The following POLR2D variants were observed in gnomAD, a reference collection of about 807,000 sequenced individuals.
The protein encoded by POLR2D is RNA polymerase II subunit D.
A neutral mutation model predicts 17.6 loss-of-function variants in POLR2D; 10 were observed. That is an observed-to-expected ratio of 0.57 (90% CI 0.35 to 0.96). The LOEUF (loss-of-function observed/expected upper bound fraction) is 0.96. Among genes scored for constraint, POLR2D ranks in the 40% least tolerant of loss-of-function variants. POLR2D has a pLI of 0.02. For missense variants in POLR2D, 126 were observed against 176.4 expected (o/e 0.71, Z 1.62); for synonymous variants, 52 against 60.2 (o/e 0.86, Z 0.63).
Position 127,845,657 on chromosome 2 carries a change from G to A in POLR2D, c.*2450C>T, listed in dbSNP as rs1032549698. On this transcript the variant is annotated 3_prime_UTR_variant, in exon 4 of 4. Transcript: ENST00000272645. Reference sequence around the variant, plus strand: ...CTGAAAGCGCTGGGATTACAAGGGTGAGCCACCACGCCTGGCCCAATTTCA... The same window carrying A: ...CTGAAAGCGCTGGGATTACAAGGGTAAGCCACCACGCCTGGCCCAATTTCA... 1 of 152,158 alleles carries A rather than the reference G, an allele frequency of 6.6e-6. No individual in the cohort carries two copies. Among genetic ancestry groups the A allele is most frequent in the African/African-American group, 2.4e-5 (1 of 41,438 alleles). The allele number at this position is 152,158 out of a possible 1,614,324, so 9.4% of individuals were successfully genotyped here.
In POLR2D at chr2:127,847,391, C is replaced by G. The variant is rs1328936564; in HGVS notation, c.*716G>C. ...AGTTGTGGTGGCTCATGCCTGTAAT[C>G]TCACCAGTTTGGGAGGCCAAGGCAG... On this transcript the variant is annotated 3_prime_UTR_variant, in exon 4 of 4. Transcript: ENST00000272645. 1 of 152,384 alleles carries G rather than the reference C, an allele frequency of 6.6e-6. No individual in the cohort carries two copies. The highest frequency in any genetic ancestry group is 2.4e-5 in the African/African-American group (1 of 41,444). 9.4% of individuals were successfully genotyped at this position (152,384 alleles called of 1,614,324 possible).
Position 127,846,725 on chromosome 2 carries a change from CGCTCCTT to C in POLR2D, c.*1375_*1381del, listed in dbSNP as rs1690162202. 6.4e-6 allele frequency: 1 copy of C among 156,044 alleles called. No individual in the cohort carries two copies. Among genetic ancestry groups the C allele is most frequent in the Non-Finnish European group, 1.4e-5 (1 of 69,792 alleles). 9.7% of individuals were successfully genotyped at this position (156,044 alleles called of 1,614,324 possible). ...GTTTTTCTTCAGTCCTTAACAACTCCGCTCCTTATATGGGCTTTGGTGGAGGTCATGG... is the reference window on the plus strand; with the variant it reads ...GTTTTTCTTCAGTCCTTAACAACTCCATATGGGCTTTGGTGGAGGTCATGG... On this transcript the variant is annotated 3_prime_UTR_variant, in exon 4 of 4. Transcript: ENST00000272645.
chr2:127,850,253 C>A (rs759265097), intron 3 of POLR2D, among the ~76,000 whole-genome samples: 70 of 151,888 alleles, frequency 4.6e-4, no homozygotes, highest in Non-Finnish European at 9.6e-4. Flanking sequence ...CTAGCCTGAC[C>A]AACATGGAGA....
rs1690157343 is a variant in POLR2D at position 127,846,431 on chromosome 2, C to G, written c.*1676G>C. On this transcript the variant is annotated 3_prime_UTR_variant, in exon 4 of 4. Coordinates refer to ENST00000272645, the MANE Select transcript of POLR2D (RefSeq NM_004805.4). Reference sequence around the variant, plus strand: ...CCCCAAAATTGAAAACAAGTGTATTCCCTTCAGAAAAATCAAAGCTAGAAT... The same window carrying G: ...CCCCAAAATTGAAAACAAGTGTATTGCCTTCAGAAAAATCAAAGCTAGAAT... 1 of 152,066 alleles carries G rather than the reference C, an allele frequency of 6.6e-6. No individual in the cohort carries two copies. Among genetic ancestry groups the G allele is most frequent in the African/African-American group, 2.4e-5 (1 of 41,408 alleles). 9.4% of individuals were successfully genotyped at this position (152,066 alleles called of 1,614,324 possible). A position where few individuals can be genotyped will look rare whatever the true frequency, so the allele number is the denominator to read the frequency against.
rs550199982 is a variant in POLR2D at position 127,852,101 on chromosome 2, T to C, written c.254+824A>G. 6.6e-6 allele frequency among the ~76,000 whole-genome samples: 1 copy of C among 152,110 alleles called. No individual in the cohort carries two copies. Among genetic ancestry groups the C allele is most frequent in the Admixed American group, 6.5e-5 (1 of 15,276 alleles). ...ACTGCACCCGGCCAATCCCAGCACT[T>C]TGGGGGGCTAAGGTTGGAGGATCAA... is the stretch of plus-strand genomic sequence containing the variant. On this transcript the variant is annotated intron_variant, in intron 2 of 3. Coordinates refer to ENST00000272645, the MANE Select transcript of POLR2D (RefSeq NM_004805.4). This position sits in a 1 kb window ranked among gnomAD's most constrained non-coding sequence, Gnocchi z 4.0.
At chr2:127,850,711 C>T (rs746176337) in intron 2 of POLR2D, 26 bp from the exon 3 acceptor site, 1 of 1,092,700 alleles carries the variant, frequency 9.2e-7, no homozygotes. Context: ...AAAAAAAAAT[C>T]AAAATAATCA....
In POLR2D at chr2:127,847,694, G is replaced by C; in HGVS notation, c.*413C>G. ...GGTTTAATTCTTCCTTTAGTATCTA[G>C]GTAAAACTGGTCTTTCTCTATAAAG... On this transcript the variant is annotated 3_prime_UTR_variant, in exon 4 of 4. Coordinates refer to ENST00000272645, the MANE Select transcript of POLR2D (RefSeq NM_004805.4). 1 of 180,458 alleles carries C rather than the reference G, an allele frequency of 5.5e-6. No individual in the cohort carries two copies. Among genetic ancestry groups the C allele is most frequent in the South Asian group, 1.0e-4 (1 of 9,576 alleles). 11.2% of individuals were successfully genotyped at this position (180,458 alleles called of 1,614,324 possible). A position where few individuals can be genotyped will look rare whatever the true frequency, so the allele number is the denominator to read the frequency against.
In POLR2D at chr2:127,858,151, G is replaced by C; in HGVS notation, c.-51C>G. On this transcript the variant is annotated 5_prime_UTR_variant, in exon 1 of 4. Coordinates refer to ENST00000272645, the MANE Select transcript of POLR2D (RefSeq NM_004805.4). The stretch of plus-strand genomic sequence containing the variant: ...CCAGCGCCGCCGGAAGCAGAAGCGC[G>C]GAGCAACGGCCGCGGAAGGGGCGTG... 3.0e-6 allele frequency: 4 copies of C among 1,349,338 alleles called. No homozygotes were observed. Among genetic ancestry groups the C allele is most frequent in the South Asian group, 3.4e-5 (2 of 59,684 alleles). 83.6% of individuals were successfully genotyped at this position (1,349,338 alleles called of 1,614,324 possible).
intron 1 of POLR2D, among the ~76,000 whole-genome samples, chr2:127,855,800 CAT>C (rs879807772): frequency 1.5e-5 from 2 of 130,428 alleles, no homozygotes; most frequent in Non-Finnish European, 3.2e-5. Context: ...CACGCGCGCA[CAT>C]ACACACACAC....
rs994656306 is a variant in POLR2D, at chr2:127,858,108, CCGCGCCG to C, written c.-15_-9del. On this transcript the variant is annotated 5_prime_UTR_variant, in exon 1 of 4. Transcript: ENST00000272645. ...GCTGCCACCCGCCGCCATCGCCGCGCCGCGCCGCGCGCCACCACCAGCGCCGCCGGAA... is the reference window on the plus strand; with the variant it reads ...GCTGCCACCCGCCGCCATCGCCGCGCCGCGCCACCACCAGCGCCGCCGGAA... The C allele has an allele frequency of 6.7e-7, 1 of 1,484,318 alleles. No individual in the cohort carries two copies. The highest frequency in any genetic ancestry group is 1.5e-5 in the African/African-American group (1 of 68,406). The allele number at this position is 1,484,318 out of a possible 1,614,324, so 91.9% of individuals were successfully genotyped here.
In POLR2D at chr2:127,850,667, CT is replaced by C; in HGVS notation, c.272del (p.Lys91SerfsTer24). ...ASVRSLLLQKKLHKFELACLA... is the reference protein window; with the variant it reads ...ASVRSLLLQKXLHKFELACLA... ...AACAGGCCAACTCAAACTTATGAAGCTTTTTCTGGAGTAGCAAGCTAATCAA... is the reference window on the plus strand; with the variant it reads ...AACAGGCCAACTCAAACTTATGAAGCTTTTCTGGAGTAGCAAGCTAATCAA... On this transcript the variant is annotated frameshift_variant, in exon 3 of 4. Transcript: ENST00000272645. LOFTEE classifies it high-confidence loss of function. 3 of 1,561,692 alleles carry C rather than the reference CT, an allele frequency of 1.9e-6. No individual in the cohort carries two copies. Among genetic ancestry groups the C allele is most frequent in the Non-Finnish European group, 2.6e-6 (3 of 1,146,936 alleles).
Position 127,850,651 on chromosome 2 carries a change from A to C in POLR2D, c.289T>G (p.Leu97Val). Residue 97 changes from leucine (L) to valine (V), a missense_variant, in exon 3 of 4, where the codon TTG (leucine) becomes GTG (valine). Coordinates refer to ENST00000272645, the MANE Select transcript of POLR2D (RefSeq NM_004805.4). ...LLQKKLHKFE[L>V]ACLANLCPET... Reference sequence around the variant, plus strand: ...GGGCAAAGGTTGGCCAAACAGGCCAACTCAAACTTATGAAGCTTTTTCTGG... The same window carrying C: ...GGGCAAAGGTTGGCCAAACAGGCCACCTCAAACTTATGAAGCTTTTTCTGG... 1 of 1,587,570 alleles carries C rather than the reference A, an allele frequency of 6.3e-7. No individual in the cohort carries two copies. Among genetic ancestry groups the C allele is most frequent in the Non-Finnish European group, 8.6e-7 (1 of 1,165,192 alleles).
chr2:127,851,978 G>A (rs1444049536), intron 2 of POLR2D, among the ~76,000 whole-genome samples: 2 of 152,038 alleles, frequency 1.3e-5, no homozygotes, highest in African/African-American at 2.4e-5. Flanking sequence ...TTTAGTAGAC[G>A]AGATTTCACC....
intron 1 of POLR2D, among the ~76,000 whole-genome samples, chr2:127,857,461 T>C (rs1018352262): frequency 6.6e-6 from 1 of 152,342 alleles, no homozygotes; most frequent in African/African-American, 2.4e-5. Context: ...CAAAATAATT[T>C]GTTCCAGCCA....
At chr2:127,856,495 C>A (rs557701718) in intron 1 of POLR2D, among the ~76,000 whole-genome samples, 6 of 150,458 alleles carry the variant, frequency 4.0e-5, no homozygotes, top group African/African-American at 1.2e-4. Context: ...GAGGCTGAGG[C>A]AGGATGGCTT....
chr2:127,855,394 CAAA>C (rs747725989), intron 1 of POLR2D, among the ~76,000 whole-genome samples: 209 of 51,256 alleles, frequency 4.1e-3, no homozygotes, highest in Non-Finnish European at 4.5e-3. Context: ...AACTCCGTCT[CAAA>C]AAAAAAAAAA....
Sources: gnomAD v4.1 joint callset for allele counts (sites outside exome capture counted in the v4.1 genomes callset) on GRCh38, gnomAD v4.1.1 for gene constraint, Gnocchi (gnomAD v3.1) non-coding constraint, MANE v1.5 for transcripts, NCBI Gene and HGNC (gene_info 2026-07-23, HGNC 2026-07-21) for gene names.